CCDC171: variants seen among roughly 807,000 people sequenced by gnomAD.
The protein encoded by CCDC171 is coiled-coil domain containing 171, also known as coiled-coil domain-containing protein 171.
A neutral mutation model predicts 168.2 loss-of-function variants in CCDC171; 177 were observed. The ratio of observed to expected loss-of-function variants is 1.05; its 90% CI spans 0.93 to 1.19. The LOEUF is 1.19. CCDC171 is among the 50% of genes most tolerant of loss of function. The probability of loss-of-function intolerance (pLI) is 0.00; values close to 1 mark genes in which losing one functional copy is unlikely to be tolerated. For synonymous variants in CCDC171, 687 were observed against 540.8 expected (o/e 1.27, Z -3.75); for missense variants, 1,991 against 1,539.0 (o/e 1.29, Z -4.91).
At chr9:15,683,831 T>C (rs1564204085) in intron 10 of CCDC171, among the ~76,000 whole-genome samples, 1 of 152,070 alleles carries the variant, frequency 6.6e-6, no homozygotes, top group Non-Finnish European at 1.5e-5. Context: ...AGAGAGATGT[T>C]TATATGTTAA....
At chr9:15,600,832 A>G (rs992953447) in intron 6 of CCDC171, among the ~76,000 whole-genome samples, 1 of 152,174 alleles carries the variant, frequency 6.6e-6, no homozygotes, top group Non-Finnish European at 1.5e-5. Flanking sequence ...AGCCTCCACA[A>G]TGGCGGGCGT....
chr9:15,903,819 A>G (rs1010279717), intron 24 of CCDC171, among the ~76,000 whole-genome samples: 1 of 152,210 alleles, frequency 6.6e-6, no homozygotes, highest in Non-Finnish European at 1.5e-5. Flanking sequence ...ACCAATGCAG[A>G]GGAGTCCTTA....
intron 1 of CCDC171, among the ~76,000 whole-genome samples, chr9:15,556,263 G>T (rs922942050): frequency 7.9e-5 from 12 of 152,162 alleles, no homozygotes; most frequent in African/African-American, 2.9e-4. Flanking sequence ...CCAGTGATGG[G>T]ATGGCTGGGT....
rs2043542122 is a variant in CCDC171, at chr9:15,610,134, C to G, written c.676-13133C>G. On this transcript the variant is annotated intron_variant, in intron 6 of 25. Transcript: ENST00000380701. Reference sequence around the variant, plus strand: ...TCTCCTTGTTTCATGTTTGTAATGTCTTAATTTAACTCTTTGAGGATATAA... The same window carrying G: ...TCTCCTTGTTTCATGTTTGTAATGTGTTAATTTAACTCTTTGAGGATATAA... 2.6e-5 allele frequency among the ~76,000 whole-genome samples: 4 copies of G among 151,858 alleles called. No individual in the cohort carries two copies. In the South Asian group the frequency reaches 6.3e-4, roughly 24 times the overall value.
In CCDC171 at chr9:15,807,809, A is replaced by G. The variant is rs151264651; in HGVS notation, c.3267+23115A>G. ...GCTATCTCAGGCACCTAGGTATCTG[A>G]TCTCTGTCTTCTCACCGGAGCAAGA... On this transcript the variant is annotated intron_variant, in intron 21 of 25. Coordinates refer to ENST00000380701, the MANE Select transcript of CCDC171 (RefSeq NM_173550.4). Among the ~76,000 whole-genome samples the G allele has an allele frequency of 5.6e-4, 84 of 151,012 alleles. 1 individual carries two copies. The East Asian group carries it at 0.014, about 25-fold the overall frequency.
Position 15,616,483 on chromosome 9 carries a change from C to T in CCDC171, c.676-6784C>T, listed in dbSNP as rs527354244. Reference sequence around the variant, plus strand: ...TATAAAATACTATATAAAATAGTTTCGATCAACTAGGATATAAGCATCTTT... The same window carrying T: ...TATAAAATACTATATAAAATAGTTTTGATCAACTAGGATATAAGCATCTTT... On this transcript the variant is annotated intron_variant, in intron 6 of 25. Coordinates refer to ENST00000380701, the MANE Select transcript of CCDC171 (RefSeq NM_173550.4). Among the ~76,000 whole-genome samples the T allele has an allele frequency of 2.6e-4, 40 of 151,958 alleles. No individual in the cohort carries two copies. The South Asian group carries it at 6.2e-3, about 24-fold the overall frequency.
chr9:15,810,227 A>C (rs1369126078), intron 21 of CCDC171, among the ~76,000 whole-genome samples: 1 of 152,062 alleles, frequency 6.6e-6, no homozygotes, highest in African/African-American at 2.4e-5. Flanking sequence ...TGGTGCATCC[A>C]CCAACCCTGA....
At chr9:16,001,283 T>G (rs1001188823) in intron 3 of CCDC171, among the ~76,000 whole-genome samples, 3 of 152,144 alleles carry the variant, frequency 2.0e-5, no homozygotes, top group African/African-American at 7.2e-5. Context: ...TGACTTGCAT[T>G]CATTAAATGC....
chr9:15,608,380 T>C (rs1280918214), intron 6 of CCDC171, among the ~76,000 whole-genome samples: 1 of 152,216 alleles, frequency 6.6e-6, no homozygotes, highest in Non-Finnish European at 1.5e-5. Flanking sequence ...GGTATGTATT[T>C]AGTGCGTATA....
chr9:15,616,094 G>T (rs566933582), intron 6 of CCDC171, among the ~76,000 whole-genome samples: 1 of 152,148 alleles, frequency 6.6e-6, no homozygotes, highest in African/African-American at 2.4e-5. Flanking sequence ...GGGATTACAG[G>T]TGTGTGCCAC....
chr9:15,678,629 G>A (rs2049813107), intron 9 of CCDC171, 129 bp from the exon 10 acceptor site: 5 of 637,984 alleles, frequency 7.8e-6, no homozygotes, highest in Non-Finnish European at 1.3e-5. Flanking sequence ...TGAAAAAGGA[G>A]TTAGCCTTAA....
intron 10 of CCDC171, among the ~76,000 whole-genome samples, chr9:15,686,701 C>A (rs1294901414): frequency 6.6e-6 from 1 of 152,020 alleles, no homozygotes; most frequent in Non-Finnish European, 1.5e-5. Flanking sequence ...GGTCAATCCA[C>A]CAGAACGATC....
chr9:16,035,302 T>TA (rs759994134), intron 6 of CCDC171, among the ~76,000 whole-genome samples: 103 of 152,360 alleles, frequency 6.8e-4, no homozygotes, highest in Non-Finnish European at 1.1e-3. Flanking sequence ...TTATTAGATA[T>TA]AAAAAACTAA....
At chr9:15,708,546 TC>T (rs2052419665) in intron 11 of CCDC171, among the ~76,000 whole-genome samples, 1 of 152,160 alleles carries the variant, frequency 6.6e-6, no homozygotes, top group African/African-American at 2.4e-5. Flanking sequence ...AAGAGTATTC[TC>T]CCCATCTTTC....
At chr9:15,860,108 T>G (rs2061498790) in intron 23 of CCDC171, among the ~76,000 whole-genome samples, 1 of 151,650 alleles carries the variant, frequency 6.6e-6, no homozygotes, top group Non-Finnish European at 1.5e-5. Context: ...TTCTTTTTAT[T>G]TCTGTGGTAT....
intron 11 of CCDC171, among the ~76,000 whole-genome samples, chr9:15,707,646 A>G (rs1020275278): frequency 6.6e-6 from 1 of 152,168 alleles, no homozygotes; most frequent in African/African-American, 2.4e-5. Context: ...ATGGAGTGTT[A>G]TCATTCATCC....
At chr9:15,923,191 A>G (rs1334104896) in intron 25 of CCDC171, among the ~76,000 whole-genome samples, 3 of 151,398 alleles carry the variant, frequency 2.0e-5, no homozygotes, top group Non-Finnish European at 4.4e-5. Flanking sequence ...CAGAGTTGTG[A>G]TATCTGCGCT....
At chr9:15,879,438 C>T (rs1204503539) in intron 24 of CCDC171, among the ~76,000 whole-genome samples, 2 of 152,018 alleles carry the variant, frequency 1.3e-5, no homozygotes, top group Non-Finnish European at 2.9e-5. Context: ...TTATGTTGGG[C>T]ATATTACAAT....
At chr9:16,107,551 T>TCA in the CCDC171 span, among the ~76,000 whole-genome samples, 1 of 151,876 alleles carries the variant, frequency 6.6e-6, no homozygotes, top group African/African-American at 2.4e-5. Flanking sequence ...TGTGTGTGTA[T>TCA]CACACACACA....
Sources: gnomAD v4.1 joint callset for allele counts (sites outside exome capture counted in the v4.1 genomes callset) on GRCh38, gnomAD v4.1.1 for gene constraint, MANE v1.5 for transcripts, NCBI Gene and HGNC (gene_info 2026-07-23, HGNC 2026-07-21) for gene names.